The following CACNA1E variants were observed in gnomAD, a reference collection of about 807,000 sequenced individuals.
CACNA1E encodes the protein calcium voltage-gated channel subunit alpha1 E, also known as voltage-dependent R-type calcium channel subunit alpha-1E.
Under a neutral mutation model 259.2 loss-of-function variants are expected in CACNA1E, and 40 were observed. That is an observed-to-expected ratio of 0.15 (90% confidence interval 0.12 to 0.20). CACNA1E has a LOEUF of 0.20. Ranked by LOEUF, CACNA1E falls within the 10% of genes least tolerant of loss-of-function variation. The pLI, the probability that CACNA1E is intolerant of heterozygous loss-of-function variation, is 1.00. For synonymous variants in CACNA1E, 1,104 were observed against 1,138.5 expected (o/e 0.97, Z 0.61); for missense variants, 1,874 against 3,040.1 (o/e 0.62, Z 9.02).
At chr1:181,774,461 C>T (rs1369232879) in intron 37 of CACNA1E, among the ~76,000 whole-genome samples, 2 of 152,188 alleles carry the variant, frequency 1.3e-5, no homozygotes, top group African/African-American at 4.8e-5. Context: ...AGGAGGGATG[C>T]TGATTTCCCT....
At chr1:181,775,990 T>TTCTGGC (rs1233461464) in intron 37 of CACNA1E, 111 bp from the exon 38 acceptor site, 2 of 974,076 alleles carry the variant, frequency 2.1e-6, no homozygotes, top group Non-Finnish European at 3.1e-6. Flanking sequence ...CATACCTCTG[T>TTCTGGC]TCTGGCTCGT....
At chr1:181,429,788 G>T (rs921505336) in intron 2 of CACNA1E, among the ~76,000 whole-genome samples, 2 of 152,162 alleles carry the variant, frequency 1.3e-5, no homozygotes, top group Non-Finnish European at 2.9e-5. Flanking sequence ...AAAAATATGG[G>T]TGTCTAGACC....
At chr1:181,669,933 T>G (rs1648625189) in intron 7 of CACNA1E, among the ~76,000 whole-genome samples, 1 of 152,202 alleles carries the variant, frequency 6.6e-6, no homozygotes, top group Admixed American at 6.5e-5. Flanking sequence ...CCCAGTGTAA[T>G]TGTTGCTGTT....
At chr1:181,690,155 AG>A (rs1650999977) in intron 7 of CACNA1E, among the ~76,000 whole-genome samples, 1 of 150,776 alleles carries the variant, frequency 6.6e-6, no homozygotes, top group Non-Finnish European at 1.5e-5. Flanking sequence ...TTTTTGTATA[AG>A]GTGTAAGGAA....
At chr1:181,387,525 A>G (rs6702540) in intron 1 of CACNA1E, among the ~76,000 whole-genome samples, 8,638 of 152,196 alleles carry the variant, frequency 0.057, 799 homozygotes, top group African/African-American at 0.19. Context: ...AGCCAAAGGT[A>G]TATGAAGCTC....
chr1:181,350,908 C>G lies in CACNA1E; in HGVS notation c.-15+32785C>G, dbSNP rs79278315. On this transcript the variant is annotated intron_variant, in intron 1 of 11. Transcript: ENST00000524607. The stretch of plus-strand genomic sequence containing the variant: ...AGGGGTGAACAAGACAAATGCAGTC[C>G]CTGTGCTTTGGGTGGGAGGAGGCAA... Among the ~76,000 whole-genome samples the G allele has an allele frequency of 1.5e-3, 232 of 152,138 alleles. 2 individuals are homozygous for G. The highest frequency in any genetic ancestry group is 5.1e-3 in the African/African-American group (212 of 41,486).
intron 3 of CACNA1E, among the ~76,000 whole-genome samples, chr1:181,561,304 G>A (rs1033840122): frequency 8.5e-5 from 13 of 152,062 alleles, no homozygotes; most frequent in African/African-American, 3.1e-4. Context: ...GGTTTATTGG[G>A]GTATAATTTG....
chr1:181,786,352 A>G (rs1487202627), intron 43 of CACNA1E, among the ~76,000 whole-genome samples: 2 of 151,768 alleles, frequency 1.3e-5, no homozygotes, highest in African/African-American at 4.8e-5. Context: ...TCACCACTTT[A>G]CACATGAAGA....
intron 7 of CACNA1E, among the ~76,000 whole-genome samples, chr1:181,655,318 T>C (rs1659121107): frequency 6.6e-6 from 1 of 152,142 alleles, no homozygotes; most frequent in African/African-American, 2.4e-5. Context: ...CATCATGAAA[T>C]TTCAGAATAT....
chr1:181,652,920 C>G (rs1490537787), intron 7 of CACNA1E, among the ~76,000 whole-genome samples: 2 of 151,940 alleles, frequency 1.3e-5, no homozygotes, highest in Non-Finnish European at 2.9e-5. Flanking sequence ...ACTGAATGTG[C>G]GTAGTCCAGC....
At chr1:181,441,741 A>T (rs1660490165) in intron 2 of CACNA1E, among the ~76,000 whole-genome samples, 1 of 152,110 alleles carries the variant, frequency 6.6e-6, no homozygotes, top group African/African-American at 2.4e-5. Flanking sequence ...CTGGGTTTGC[A>T]TGGGAGCTGG....
chr1:181,582,307 G>A (rs1043733534), intron 6 of CACNA1E, among the ~76,000 whole-genome samples: 1 of 152,246 alleles, frequency 6.6e-6, no homozygotes, highest in Non-Finnish European at 1.5e-5. Flanking sequence ...GAGGCAGCAG[G>A]AAGGAGGGGA....
intron 6 of CACNA1E, among the ~76,000 whole-genome samples, chr1:181,643,177 G>A (rs1657956247): frequency 6.6e-6 from 1 of 152,156 alleles, no homozygotes; most frequent in African/African-American, 2.4e-5. Flanking sequence ...AAAGTAGAGA[G>A]AATAAAATAT....
intron 2 of CACNA1E, among the ~76,000 whole-genome samples, chr1:181,437,377 A>G (rs1310878738): frequency 6.6e-6 from 1 of 152,114 alleles, no homozygotes; most frequent in Admixed American, 6.6e-5. Flanking sequence ...ACAAAACACA[A>G]GAATCCTTGC....
chr1:181,759,863 G>A (rs4652679), intron 32 of CACNA1E, among the ~76,000 whole-genome samples: 39,057 of 152,118 alleles, frequency 0.26, 5,083 homozygotes, highest in South Asian at 0.34. Flanking sequence ...TGTTGATTAC[G>A]GGGGCTGCTT....
intron 6 of CACNA1E, among the ~76,000 whole-genome samples, chr1:181,603,290 A>G (rs1196469562): frequency 6.6e-6 from 1 of 152,200 alleles, no homozygotes; most frequent in African/African-American, 2.4e-5. Flanking sequence ...TAGAAAGATT[A>G]TATTCCCATT....
intron 6 of CACNA1E, among the ~76,000 whole-genome samples, chr1:181,645,389 C>T (rs1658173095): frequency 6.6e-6 from 1 of 152,130 alleles, no homozygotes. Context: ...GCTGCTACTG[C>T]AAGGTAGTAG....
At chr1:181,453,030 T>C (rs1267061581) in intron 2 of CACNA1E, among the ~76,000 whole-genome samples, 1 of 152,250 alleles carries the variant, frequency 6.6e-6, no homozygotes, top group African/African-American at 2.4e-5. Context: ...CTTGATGGAC[T>C]TGTATTTGGA....
chr1:181,604,360 C>G (rs981616254), intron 6 of CACNA1E, among the ~76,000 whole-genome samples: 2 of 152,142 alleles, frequency 1.3e-5, no homozygotes, highest in Admixed American at 1.3e-4. Flanking sequence ...GAACTTTCCC[C>G]TCTTCTTCTG....
Sources: gnomAD v4.1 joint callset for allele counts (sites outside exome capture counted in the v4.1 genomes callset) on GRCh38, gnomAD v4.1.1 for gene constraint, MANE v1.5 for transcripts, NCBI Gene and HGNC (gene_info 2026-07-23, HGNC 2026-07-21) for gene names.